The following QTMAN variants were observed in gnomAD, a reference collection of about 807,000 sequenced individuals.
QTMAN encodes the protein queuosine-tRNA mannosyltransferase, also known as tRNA-queuosine alpha-mannosyltransferase.
At chr2:143,994,344 T>A in the QTMAN span, among the ~76,000 whole-genome samples, 1 of 152,180 alleles carries the variant, frequency 6.6e-6, no homozygotes, top group African/African-American at 2.4e-5. Flanking sequence ...TTAAAAAACT[T>A]AAACATGTAT....
At chr2:144,162,480 C>T in the QTMAN span, among the ~76,000 whole-genome samples, 1 of 152,044 alleles carries the variant, frequency 6.6e-6, no homozygotes, top group Non-Finnish European at 1.5e-5. Context: ...GATTATGCAG[C>T]GGACAGAACT....
At chr2:143,968,563 T>G in the QTMAN span, among the ~76,000 whole-genome samples, 1 of 152,180 alleles carries the variant, frequency 6.6e-6, no homozygotes, top group Non-Finnish European at 1.5e-5. Context: ...GAACTTAGGC[T>G]TTTGAGTAAA....
At chr2:144,197,043 C>T in the QTMAN span, among the ~76,000 whole-genome samples, 19 of 151,982 alleles carry the variant, frequency 1.3e-4, no homozygotes. Flanking sequence ...GTGTACTTAC[C>T]CAAATCTAGA....
chr2:144,221,966 G>A, the QTMAN span, among the ~76,000 whole-genome samples: 2 of 152,256 alleles, frequency 1.3e-5, no homozygotes, highest in South Asian at 4.2e-4. Context: ...AGGAATCTGA[G>A]GCTGTACTTT....
At chr2:144,331,769 T>G in the QTMAN span, among the ~76,000 whole-genome samples, 2 of 151,836 alleles carry the variant, frequency 1.3e-5, no homozygotes, top group Non-Finnish European at 2.9e-5. Context: ...CCGATGAAAA[T>G]GGGAAGTTAT....
the QTMAN span, among the ~76,000 whole-genome samples, chr2:144,238,948 T>C: frequency 6.6e-6 from 1 of 152,086 alleles, no homozygotes; most frequent in Non-Finnish European, 1.5e-5. Context: ...ACTTTAATGA[T>C]AACAAGATTA....
chr2:144,154,363 C>A, the QTMAN span, among the ~76,000 whole-genome samples: 2 of 151,976 alleles, frequency 1.3e-5, no homozygotes, highest in African/African-American at 4.8e-5. Flanking sequence ...GAGAGAGTGG[C>A]TAACATTAAG....
chr2:144,029,072 G>C, the QTMAN span, among the ~76,000 whole-genome samples: 4 of 152,180 alleles, frequency 2.6e-5, no homozygotes, highest in African/African-American at 9.7e-5. Flanking sequence ...TGATAACCTA[G>C]CTGAGCCTTT....
chr2:144,293,021 C>T, the QTMAN span, among the ~76,000 whole-genome samples: 2 of 152,092 alleles, frequency 1.3e-5, no homozygotes, highest in African/African-American at 4.8e-5. Flanking sequence ...AATATTTGAT[C>T]ACTTCTGCCA....
chr2:144,001,554 G>T, the QTMAN span, among the ~76,000 whole-genome samples: 6 of 151,848 alleles, frequency 4.0e-5, no homozygotes, highest in Non-Finnish European at 8.8e-5. Context: ...AAATGATGAG[G>T]TCATGGTAGA....
chr2:143,958,404 T>C, the QTMAN span, among the ~76,000 whole-genome samples: 9 of 152,120 alleles, frequency 5.9e-5, no homozygotes, highest in African/African-American at 1.9e-4. Context: ...GTTTTCAAGA[T>C]ATGAAAACAT....
the QTMAN span, among the ~76,000 whole-genome samples, chr2:144,239,880 T>C: frequency 2.6e-5 from 4 of 152,170 alleles, no homozygotes; most frequent in Non-Finnish European, 5.9e-5. Context: ...CCTACCAATC[T>C]AGCCTCTGGG....
At chr2:144,240,951 A>T in the QTMAN span, among the ~76,000 whole-genome samples, 6 of 152,350 alleles carry the variant, frequency 3.9e-5, no homozygotes, top group South Asian at 1.2e-3. Flanking sequence ...GCTGCACGTT[A>T]GAATCCCCTG....
the QTMAN span, among the ~76,000 whole-genome samples, chr2:144,128,500 C>T: frequency 4.5e-4 from 68 of 152,094 alleles, 1 homozygote; most frequent in Admixed American, 3.5e-3. Context: ...CCATCTATTC[C>T]TGAAGAAATG....
chr2:144,248,219 G>C, the QTMAN span, among the ~76,000 whole-genome samples: 1 of 152,122 alleles, frequency 6.6e-6, no homozygotes, highest in East Asian at 1.9e-4. Context: ...AGACTATGTA[G>C]TCATTTTAAA....
chr2:144,004,780 A>G, the QTMAN span, among the ~76,000 whole-genome samples: 2 of 152,038 alleles, frequency 1.3e-5, no homozygotes, highest in Non-Finnish European at 2.9e-5. Context: ...TACTCCATGC[A>G]GGACCCAACA....
At chr2:144,172,161 C>A in the QTMAN span, among the ~76,000 whole-genome samples, 6 of 151,978 alleles carry the variant, frequency 3.9e-5, no homozygotes, top group Admixed American at 2.6e-4. Flanking sequence ...TAAAACATAG[C>A]AGTATTTAGA....
chr2:144,144,499 C>T, the QTMAN span, among the ~76,000 whole-genome samples: 1 of 151,822 alleles, frequency 6.6e-6, no homozygotes, highest in Admixed American at 6.6e-5. Context: ...TGATAAAGCA[C>T]AAAATGATTT....
At chr2:143,993,109 TC>T in the QTMAN span, among the ~76,000 whole-genome samples, 1 of 152,208 alleles carries the variant, frequency 6.6e-6, no homozygotes, top group African/African-American at 2.4e-5. Context: ...AGTTACTTAT[TC>T]TATTTCTCCT....
Sources: gnomAD v4.1 joint callset for allele counts (sites outside exome capture counted in the v4.1 genomes callset) on GRCh38, gnomAD v4.1.1 for gene constraint, MANE v1.5 for transcripts, NCBI Gene and HGNC (gene_info 2026-07-23, HGNC 2026-07-21) for gene names.